ZBTB20: variants seen among roughly 807,000 people sequenced by gnomAD.
ZBTB20 encodes zinc finger and BTB domain-containing protein 20.
Under a neutral mutation model 56.9 loss-of-function variants are expected in ZBTB20, and 9 were observed. That is an observed-to-expected ratio of 0.16 (90% CI 0.10 to 0.28). The LOEUF (loss-of-function observed/expected upper bound fraction) is 0.28. Ranked by LOEUF, ZBTB20 falls within the 10% of genes least tolerant of loss-of-function variation. ZBTB20 has a pLI of 1.00. For synonymous variants in ZBTB20, 417 were observed against 420.7 expected (o/e 0.99, Z 0.11); for missense variants, 655 against 1,003.0 (o/e 0.65, Z 4.69).
chr3:114,538,593 A>G (rs559861858), intron 6 of ZBTB20, among the ~76,000 whole-genome samples: 1 of 152,284 alleles, frequency 6.6e-6, no homozygotes, highest in South Asian at 2.1e-4. Context: ...AAAACTTTAT[A>G]CTGAATTGCC....
At chr3:114,395,077 A>C (rs2086216328) in intron 7 of ZBTB20, among the ~76,000 whole-genome samples, 1 of 152,192 alleles carries the variant, frequency 6.6e-6, no homozygotes, top group South Asian at 2.1e-4. Context: ...TTCCCAGGTG[A>C]AGATAAAGCT....
intron 5 of ZBTB20, among the ~76,000 whole-genome samples, chr3:114,719,558 G>C (rs1342451158): frequency 1.3e-5 from 2 of 152,060 alleles, no homozygotes; most frequent in African/African-American, 4.8e-5. Flanking sequence ...TGGGTTATTA[G>C]GGGCACCGAT....
chr3:114,915,907 G>A (rs1376464659), intron 3 of ZBTB20, among the ~76,000 whole-genome samples: 1 of 151,834 alleles, frequency 6.6e-6, no homozygotes, highest in Non-Finnish European at 1.5e-5. Context: ...TTTATTCCAT[G>A]GTGATCAGAG....
intron 7 of ZBTB20, among the ~76,000 whole-genome samples, chr3:114,491,823 G>A (rs1315641230): frequency 6.6e-6 from 1 of 151,948 alleles, no homozygotes; most frequent in Non-Finnish European, 1.5e-5. Context: ...CTTCTGAGTG[G>A]CCCACATTTG....
At chr3:115,040,473 C>A (rs551733480) in intron 2 of ZBTB20, among the ~76,000 whole-genome samples, 2 of 152,026 alleles carry the variant, frequency 1.3e-5, no homozygotes, top group African/African-American at 4.8e-5. Flanking sequence ...TAGGATTTAA[C>A]TAGATAGCAA....
chr3:114,450,437 T>C (rs990261483), intron 7 of ZBTB20, among the ~76,000 whole-genome samples: 1 of 152,184 alleles, frequency 6.6e-6, no homozygotes, highest in African/African-American at 2.4e-5. Context: ...CGAAAAATAG[T>C]TCTCTCTTCC....
chr3:114,573,546 AAAAG>A (rs1246531947), intron 6 of ZBTB20, among the ~76,000 whole-genome samples: 3 of 151,510 alleles, frequency 2.0e-5, no homozygotes, highest in African/African-American at 2.4e-5. Flanking sequence ...AGAGAAAGGG[AAAAG>A]AAAGAGGAAA....
At chr3:115,132,043 G>A (rs896205530) in intron 1 of ZBTB20, among the ~76,000 whole-genome samples, 6 of 151,620 alleles carry the variant, frequency 4.0e-5, no homozygotes, top group Non-Finnish European at 7.4e-5. Flanking sequence ...CTTCCAAGTA[G>A]TTTTAAAATA....
chr3:114,547,152 C>G (rs1208060430), intron 6 of ZBTB20, among the ~76,000 whole-genome samples: 1 of 152,104 alleles, frequency 6.6e-6, no homozygotes, highest in Non-Finnish European at 1.5e-5. Flanking sequence ...AGAAGGATAA[C>G]TGGTAGTAGA....
chr3:114,344,795 G>A (rs1441695133), intron 11 of ZBTB20, among the ~76,000 whole-genome samples: 2 of 152,128 alleles, frequency 1.3e-5, no homozygotes, highest in South Asian at 4.1e-4. Flanking sequence ...CACCAACATT[G>A]TTATGCTACT....
At chr3:114,627,120 C>T (rs1356938763) in intron 6 of ZBTB20, among the ~76,000 whole-genome samples, 1 of 152,176 alleles carries the variant, frequency 6.6e-6, no homozygotes, top group African/African-American at 2.4e-5. Flanking sequence ...TACTCCTACC[C>T]ACTCCTAAGC....
In ZBTB20 at chr3:114,491,827, A is replaced by G. The variant is rs534143854; in HGVS notation, c.-255+8525T>C. On this transcript the variant is annotated intron_variant, in intron 7 of 11. Transcript: ENST00000675478. Reference sequence around the variant, plus strand: ...TCATAGCAAAACTTCTGAGTGGCCCACATTTGCTGTTTCTTCACTTCTCAT... The same window carrying G: ...TCATAGCAAAACTTCTGAGTGGCCCGCATTTGCTGTTTCTTCACTTCTCAT... Among the ~76,000 whole-genome samples, 59 of 152,212 alleles carry G rather than the reference A, an allele frequency of 3.9e-4. 1 individual carries two copies. The highest frequency in any genetic ancestry group is 1.4e-3 in the African/African-American group (58 of 41,534).
intron 10 of ZBTB20, among the ~76,000 whole-genome samples, chr3:114,372,321 A>G (rs1310071755): frequency 6.6e-6 from 1 of 152,232 alleles, no homozygotes; most frequent in Non-Finnish European, 1.5e-5. Flanking sequence ...TAACAATTAC[A>G]TGTGGATAAT....
chr3:114,559,533 G>C (rs754379056), intron 6 of ZBTB20, among the ~76,000 whole-genome samples: 3 of 152,124 alleles, frequency 2.0e-5, no homozygotes, highest in Non-Finnish European at 2.9e-5. Flanking sequence ...CTTTGAAAAG[G>C]TATTGCACCC....
intron 7 of ZBTB20, among the ~76,000 whole-genome samples, chr3:114,448,976 A>G (rs1029794128): frequency 7.9e-5 from 12 of 152,224 alleles, no homozygotes; most frequent in Middle Eastern, 3.4e-3. Flanking sequence ...GGTATTACTG[A>G]CTGACACTGA....
chr3:114,478,987 C>T (rs1448479001), intron 7 of ZBTB20, among the ~76,000 whole-genome samples: 1 of 151,856 alleles, frequency 6.6e-6, no homozygotes, highest in Non-Finnish European at 1.5e-5. Flanking sequence ...CCAGCTCTAG[C>T]AAGCTCACAG....
At position 114,326,612 on chromosome 3, in the gene ZBTB20, G is replaced by C. The variant is rs907026566; in HGVS notation, c.*12393C>G. The C allele has an allele frequency of 6.7e-6, 1 of 149,354 alleles. No homozygotes were observed. Among genetic ancestry groups the C allele is most frequent in the Non-Finnish European group, 1.5e-5 (1 of 67,296 alleles). 9.3% of individuals were successfully genotyped at this position (149,354 alleles called of 1,614,324 possible). ...AGAAATAAAAATCCTTTACTATCTT[G>C]AGAAGAAAGAAAGGGAAACAAATAA... On this transcript the variant is annotated 3_prime_UTR_variant, in exon 12 of 12. Transcript: ENST00000675478.
intron 1 of ZBTB20, among the ~76,000 whole-genome samples, chr3:115,101,158 C>T (rs866028292): frequency 9.2e-5 from 14 of 152,054 alleles, no homozygotes; most frequent in African/African-American, 2.4e-4. Flanking sequence ...AGTGGTACAA[C>T]AACAGAAATA....
intron 1 of ZBTB20, among the ~76,000 whole-genome samples, chr3:115,121,603 A>C (rs1470633033): frequency 6.6e-6 from 1 of 151,950 alleles, no homozygotes; most frequent in Admixed American, 6.6e-5. Context: ...TCTATGGGGG[A>C]GGAGATTTTA....
Sources: gnomAD v4.1 joint callset for allele counts (sites outside exome capture counted in the v4.1 genomes callset) on GRCh38, gnomAD v4.1.1 for gene constraint, MANE v1.5 for transcripts, NCBI Gene and HGNC (gene_info 2026-07-23, HGNC 2026-07-21) for gene names.